The following EML1 variants were observed in gnomAD, a reference collection of about 807,000 sequenced individuals.
The protein encoded by EML1 is EMAP like 1, also known as echinoderm microtubule-associated protein-like 1.
In EML1, 27 loss-of-function variants were observed where a neutral mutation model predicts 110.4. That is an observed-to-expected ratio of 0.24 (90% CI 0.18 to 0.34). The LOEUF (loss-of-function observed/expected upper bound fraction) is 0.34. EML1 is among the 10% of genes least tolerant of loss of function. The probability of loss-of-function intolerance (pLI) is 1.00; values close to 1 mark genes in which losing one functional copy is unlikely to be tolerated. For missense variants in EML1, 741 were observed against 1,030.9 expected (o/e 0.72, Z 3.85); for synonymous variants, 344 against 385.8 (o/e 0.89, Z 1.27).
At chr14:99,798,932 T>C (rs1366807123) in intron 1 of EML1, among the ~76,000 whole-genome samples, 1 of 152,198 alleles carries the variant, frequency 6.6e-6, no homozygotes. Flanking sequence ...TCCCAGCACT[T>C]ACTAAGATAT....
intron 1 of EML1, among the ~76,000 whole-genome samples, chr14:99,764,866 T>C (rs778472367): frequency 1.7e-4 from 26 of 152,192 alleles, no homozygotes; most frequent in Non-Finnish European, 3.1e-4. Flanking sequence ...TCAGTCAGTG[T>C]TGTTTTTTTT....
At chr14:99,868,424 G>A (rs900238686) in intron 3 of EML1, among the ~76,000 whole-genome samples, 5 of 152,134 alleles carry the variant, frequency 3.3e-5, no homozygotes, top group South Asian at 2.1e-4. Flanking sequence ...AGAATTCTCC[G>A]CTGCAGCCAT....
At chr14:99,820,385 C>T (rs957443116) in intron 1 of EML1, among the ~76,000 whole-genome samples, 3 of 152,270 alleles carry the variant, frequency 2.0e-5, no homozygotes, top group Non-Finnish European at 4.4e-5. Flanking sequence ...AGCTTCTGTA[C>T]GTCTTGGACC....
intron 1 of EML1, among the ~76,000 whole-genome samples, chr14:99,834,913 G>A (rs1038187532): frequency 1.3e-5 from 2 of 152,064 alleles, no homozygotes; most frequent in Non-Finnish European, 2.9e-5. Flanking sequence ...TCTATCTCCC[G>A]GCTTCAAGCA....
intron 17 of EML1, among the ~76,000 whole-genome samples, chr14:99,926,749 C>CA (rs2060241173): frequency 7.0e-6 from 1 of 142,102 alleles, no homozygotes; most frequent in Non-Finnish European, 1.5e-5. Flanking sequence ...CCAGCTCTGC[C>CA]TTTTTTTTTT....
chr14:99,765,184 T>A (rs1397383715), intron 1 of EML1, among the ~76,000 whole-genome samples: 4 of 152,090 alleles, frequency 2.6e-5, no homozygotes, highest in African/African-American at 9.7e-5. Context: ...CAAGTAATCC[T>A]CCAGTCTCGG....
chr14:99,764,916 G>A (rs558356351), intron 1 of EML1, among the ~76,000 whole-genome samples: 30 of 151,948 alleles, frequency 2.0e-4, no homozygotes, highest in Non-Finnish European at 2.5e-4. Context: ...TATCTTAATC[G>A]TTTTTGTTGT....
At chr14:99,848,824 G>A (rs115351975) in intron 1 of EML1, among the ~76,000 whole-genome samples, 3,089 of 151,980 alleles carry the variant, frequency 0.02, 124 homozygotes, top group African/African-American at 0.071. Context: ...TTAGCCAAGC[G>A]TGGTGGGGTG....
At position 99,939,535 on chromosome 14, in the gene EML1, C is replaced by T. The variant is rs1375836510; in HGVS notation, c.2322+208C>T. The stretch of plus-strand genomic sequence containing the variant: ...GGACCCACAAAGCCGTTCAGAGCTG[C>T]TCATCCACCTCTGCAGCCCCACAGG... On this transcript the variant is annotated intron_variant, in intron 21 of 21. Transcript: ENST00000262233. This position sits in a 1 kb window ranked among gnomAD's most constrained non-coding sequence, Gnocchi z 4.2. 6.6e-6 allele frequency among the ~76,000 whole-genome samples: 1 copy of T among 152,108 alleles called. No homozygotes were observed. Among genetic ancestry groups the T allele is most frequent in the Admixed American group, 6.5e-5 (1 of 15,276 alleles).
At chr14:99,897,352 T>G in intron 7 of EML1, 58 bp downstream of exon 7, 1 of 1,517,836 alleles carries the variant, frequency 6.6e-7, no homozygotes, top group Admixed American at 2.1e-5. Context: ...GAGGATCGCT[T>G]GAGGCCAGGA....
intron 1 of EML1, among the ~76,000 whole-genome samples, chr14:99,819,288 G>A (rs1284599388): frequency 6.6e-6 from 1 of 152,124 alleles, no homozygotes; most frequent in African/African-American, 2.4e-5. Context: ...TACTAAACAT[G>A]ATATTTTATG....
At chr14:99,764,113 C>A (rs1335598490) in intron 1 of EML1, among the ~76,000 whole-genome samples, 1 of 152,162 alleles carries the variant, frequency 6.6e-6, no homozygotes, top group Non-Finnish European at 1.5e-5. Flanking sequence ...TAGTCTCAGG[C>A]CACCGCTGAC....
chr14:99,770,377 TTCTATCTATCTA>T (rs143789356), upstream of EML1, among the ~76,000 whole-genome samples: 2 of 150,186 alleles, frequency 1.3e-5, no homozygotes, highest in East Asian at 2.0e-4. Context: ...AAAAATTTCT[TTCTATCTATCTA>T]TCTATCTATC....
At chr14:99,826,743 G>A (rs1370431154) in intron 1 of EML1, among the ~76,000 whole-genome samples, 1 of 151,972 alleles carries the variant, frequency 6.6e-6, no homozygotes, top group Non-Finnish European at 1.5e-5. Context: ...AAACACCTTA[G>A]GTCAGAAAAA....
chr14:99,824,844 C>T (rs546069965), intron 1 of EML1, among the ~76,000 whole-genome samples: 1 of 152,272 alleles, frequency 6.6e-6, no homozygotes, highest in East Asian at 1.9e-4. Context: ...CACTGTTTAG[C>T]TCCCACTTAT....
At position 99,844,113 on chromosome 14, in the gene EML1, C is replaced by T. The variant is rs2058671668; in HGVS notation, c.68-6740C>T. ...CCTTGAGCAATAAGTACTTAGTTTT[C>T]ATTGAAATATTTCTCTGCTGAGCTC... On this transcript the variant is annotated intron_variant, in intron 1 of 21. Coordinates refer to ENST00000262233, the MANE Select transcript of EML1 (RefSeq NM_004434.3). 2.0e-5 allele frequency among the ~76,000 whole-genome samples: 3 copies of T among 152,188 alleles called. No individual in the cohort carries two copies. The South Asian group carries it at 6.2e-4, about 31-fold the overall frequency.
chr14:99,744,455 C>G (rs151243321), intron 1 of EML1, among the ~76,000 whole-genome samples: 1,892 of 152,296 alleles, frequency 0.012, 20 homozygotes, highest in Non-Finnish European at 0.02. Flanking sequence ...ATGGGCACAC[C>G]AAATGGCCAG....
At chr14:99,853,981 T>C (rs562468753) in intron 2 of EML1, among the ~76,000 whole-genome samples, 3 of 152,348 alleles carry the variant, frequency 2.0e-5, no homozygotes, top group Non-Finnish European at 4.4e-5. Context: ...TGCATTCTTA[T>C]TTTTAAATAT....
At position 99,910,295 on chromosome 14, in the gene EML1, C is replaced by T. The variant is rs1407023261; in HGVS notation, c.1293C>T (p.Asp431=). ...GTGTGACTTTCTCTGAAAACGGTGA[C>T]ACCATTACTGGAGATTCAAGTGGCA... ...VLCVTFSENG[D]TITGDSSGNI... is the part of the protein sequence containing the mutation. Residue 431 remains aspartate (D), a synonymous_variant, in exon 12 of 22, where the codon GAC becomes GAT. Coordinates refer to ENST00000262233, the MANE Select transcript of EML1 (RefSeq NM_004434.3). 2.5e-6 allele frequency: 4 copies of T among 1,613,418 alleles called. 1 individual carries two copies.
Sources: allele counts gnomAD v4.1 joint callset (sites outside exome capture counted in the v4.1 genomes callset), GRCh38; gene constraint gnomAD v4.1.1; non-coding constraint Gnocchi (gnomAD v3.1); transcripts MANE v1.5; gene names NCBI Gene and HGNC (gene_info 2026-07-23, HGNC 2026-07-21).